Variants in MCM7 observed in about 807,000 individuals in gnomAD.
The protein encoded by MCM7 is minichromosome maintenance complex component 7.
In MCM7, 95 loss-of-function variants were observed where a neutral mutation model predicts 83.5. That is an observed-to-expected ratio of 1.14 (90% CI 0.96 to 1.35). The LOEUF (loss-of-function observed/expected upper bound fraction) is 1.35, where lower values mean the gene tolerates loss of function less well. Among genes scored for constraint, MCM7 ranks in the 40% most tolerant of loss-of-function variants. The probability of loss-of-function intolerance (pLI) is 0.00; values close to 1 mark genes in which losing one functional copy is unlikely to be tolerated. For missense variants in MCM7, 1,087 were observed against 957.4 expected, an observed-to-expected ratio of 1.14 and a Z score of -1.79; for synonymous variants, 461 against 352.7, an observed-to-expected ratio of 1.31 and a Z score of -3.44.
At chr7:100,098,438 G>C in intron 6 of MCM7, 140 bp downstream of exon 6, 1 of 1,494,712 alleles carries the variant, frequency 6.7e-7, no homozygotes, top group Non-Finnish European at 9.1e-7. Flanking sequence ...CCCTTCCCAA[G>C]GCTCCCAGGA....
intron 1 of MCM7, chr7:100,100,554 A>T: frequency 1.0e-6 from 1 of 992,342 alleles, no homozygotes; most frequent in Non-Finnish European, 1.2e-6. Flanking sequence ...ATGGGCCCGG[A>T]TTCCAGCCGC....
chr7:100,099,396 T>A lies in MCM7; in HGVS notation c.284A>T (p.Asn95Ile). 6.3e-7 allele frequency: 1 copy of A among 1,588,518 alleles called. No individual in the cohort carries two copies. The highest frequency in any genetic ancestry group is 1.7e-5 in the Admixed American group (1 of 58,248). The change falls in exon 4 of 15, where the codon AAT (asparagine) becomes ATT (isoleucine). Residue 95 changes from asparagine (N) to isoleucine (I), a missense_variant. Transcript: ENST00000303887. ...LPQYKEREVVNKDVLDVYIEH... is the reference protein window; with the variant it reads ...LPQYKEREVVIKDVLDVYIEH... ...AATGTAAACGTCCAGGACATCTTTA[T>A]TTACCACCTAAAGGAGAAGAACAAA...
intron 5 of MCM7, 52 bp from the exon 6 acceptor site, chr7:100,098,767 A>T: frequency 1.2e-6 from 2 of 1,605,332 alleles, no homozygotes; most frequent in Non-Finnish European, 1.7e-6. Flanking sequence ...AAAGAGCCCC[A>T]TTGGGTCGGT....
rs1443365468 is a variant in MCM7, at chr7:100,092,982, GCTC to G, written c.2107_2109del (p.Glu703del). On this transcript the variant is annotated inframe_deletion, in exon 15 of 15. Coordinates refer to ENST00000303887, the MANE Select transcript of MCM7 (RefSeq NM_005916.5). ...GAAGCATTGACCTGCCAGACATTGAGCTCCTCATATTCATCCAGAGCCGCCTGG... is the reference window on the plus strand; with the variant it reads ...GAAGCATTGACCTGCCAGACATTGAGCTCATATTCATCCAGAGCCGCCTGG... 6.2e-7 allele frequency: 1 copy of G among 1,614,228 alleles called. No homozygotes were observed. The highest frequency in any genetic ancestry group is 8.5e-7 in the Non-Finnish European group (1 of 1,180,048).
chr7:100,093,893 AG>A, intron 13 of MCM7: 1 of 673,512 alleles, frequency 1.5e-6, no homozygotes, highest in Admixed American at 2.0e-5. Context: ...TCTGTAGCAC[AG>A]GATCTAGGAC....
At position 100,098,646 on chromosome 7, in the gene MCM7, C is replaced by T. The variant is rs1306989410; in HGVS notation, c.652G>A (p.Gly218Arg). The T allele has an allele frequency of 6.2e-7, 1 of 1,614,034 alleles. No individual in the cohort carries two copies. Among genetic ancestry groups the T allele is most frequent in the African/African-American group, 1.3e-5 (1 of 74,906 alleles). Reference sequence around the variant, plus strand: ...CCCCGTGTCTGCAGATACAGCCGCCCTCCTGAGCGGTTGGTTTGGCACTCC... The same window carrying T: ...CCCCGTGTCTGCAGATACAGCCGCCTTCCTGAGCGGTTGGTTTGGCACTCC... ...SQECQTNRSG[G>R]RLYLQTRGSR... is the part of the protein sequence containing the mutation. Residue 218 changes from glycine (G) to arginine (R), a missense_variant, in exon 6 of 15, where the codon GGG becomes AGG. Physicochemically the swap from Gly to Arg is moderately radical, Grantham distance 125. Coordinates refer to ENST00000303887, the MANE Select transcript of MCM7 (RefSeq NM_005916.5).
Position 100,094,182 on chromosome 7 carries a change from G to A in MCM7, c.1839C>T (p.Ser613=). ...ARTLLAILRL[S]TALARLRMVD... is the part of the protein sequence containing the mutation. ...CAATTTGGGCACTTACCAGAGCAGT[G>A]GAAAGGCGCAGGATAGCCAGCAGGG... Residue 613 remains serine, a synonymous_variant, in exon 13 of 15, where the codon TCC becomes TCT. Coordinates refer to ENST00000303887, the MANE Select transcript of MCM7 (RefSeq NM_005916.5). 6.2e-7 allele frequency: 1 copy of A among 1,614,210 alleles called. No individual in the cohort carries two copies. The highest frequency in any genetic ancestry group is 2.2e-5 in the East Asian group (1 of 44,878).
rs1339783350 is a variant in MCM7, at chr7:100,095,419, G to C, written c.1647C>G (p.Ser549=). The C allele has an allele frequency of 6.2e-7, 1 of 1,613,880 alleles. No homozygotes were observed. Among genetic ancestry groups the C allele is most frequent in the Non-Finnish European group, 8.5e-7 (1 of 1,180,002 alleles). The change falls in exon 12 of 15, where the codon TCC becomes TCG. Residue 549 remains serine, a synonymous_variant. Coordinates refer to ENST00000303887, the MANE Select transcript of MCM7 (RefSeq NM_005916.5). ...GCTTCATGTCCAGAGGTTCAAACTG[G>C]GAGGGGGGCTGCCGGCTGTGCTGGT... The part of the protein sequence containing the change: ...YVHQHSRQPP[S]QFEPLDMKLM...
Position 100,097,824 on chromosome 7 carries a change from T to C in MCM7, c.985+10A>G. 1 of 1,614,082 alleles carries C rather than the reference T, an allele frequency of 6.2e-7. No homozygotes were observed. Among genetic ancestry groups the C allele is most frequent in the Non-Finnish European group, 8.5e-7 (1 of 1,179,942 alleles). On this transcript the variant is annotated intron_variant, in intron 8 of 14. Coordinates refer to ENST00000303887, the MANE Select transcript of MCM7 (RefSeq NM_005916.5). ...TAAACGGAATTTCCTCTCTCTCCCC[T>C]GCCCCTCACCTGCAATTTGCCTCAG...
chr7:100,099,967 C>G lies in MCM7; in HGVS notation c.111+47G>C, dbSNP rs370086677. The G allele has an allele frequency of 5.1e-6, 8 of 1,556,024 alleles. No homozygotes were observed. In the African/African-American group the frequency reaches 1.1e-4, roughly 21 times the overall value. ...ACAAGCCAAGCTGCTGCTTATGGCT[C>G]CTTAAGCACCCCGCTCCCCATTCCC... On this transcript the variant is annotated intron_variant, in intron 2 of 14. Coordinates refer to ENST00000303887, the MANE Select transcript of MCM7 (RefSeq NM_005916.5).
At chr7:100,097,027 G>C (rs1409817421) in intron 10 of MCM7, among the ~76,000 whole-genome samples, 2 of 152,202 alleles carry the variant, frequency 1.3e-5, no homozygotes, top group Non-Finnish European at 1.5e-5. Context: ...CGTGACCCCA[G>C]GAGGTGGAGC....
In MCM7 at chr7:100,098,650, T is replaced by G. The variant is rs763542579; in HGVS notation, c.648A>C (p.Ser216=). 21 of 1,614,040 alleles carry G rather than the reference T, an allele frequency of 1.3e-5. 1 individual carries two copies. In the Admixed American group the frequency reaches 3.5e-4, roughly 27 times the overall value. The stretch of plus-strand genomic sequence containing the variant: ...GTGTCTGCAGATACAGCCGCCCTCC[T>G]GAGCGGTTGGTTTGGCACTCCTGGC... The part of the protein sequence containing the change: ...CPSQECQTNR[S]GGRLYLQTRG... The change falls in exon 6 of 15, where the codon TCA becomes TCC. Residue 216 remains serine, a synonymous_variant. Transcript: ENST00000303887.
At chr7:100,093,155 G>A (rs959474526) in intron 14 of MCM7, 22 bp from the exon 15 acceptor site, 3 of 1,611,504 alleles carry the variant, frequency 1.9e-6, no homozygotes, top group African/African-American at 2.7e-5. Context: ...GAGTGGGTGT[G>A]TAAGGTCAGG....
chr7:100,094,358 A>G lies in MCM7; in HGVS notation c.1680-17T>C, dbSNP rs530090108. 4 of 1,613,508 alleles carry G rather than the reference A, an allele frequency of 2.5e-6. No homozygotes were observed. In the African/African-American group the frequency reaches 4.0e-5, roughly 16 times the overall value. ...ATGTAACGCCTGTGGGGGAAGGTTC[A>G]TGGGGAAGCAGAAGAGGGAGATGGG... On this transcript the variant is annotated splice_polypyrimidine_tract_variant and intron_variant, in intron 12 of 14. Coordinates refer to ENST00000303887, the MANE Select transcript of MCM7 (RefSeq NM_005916.5).
chr7:100,101,022 C>CCAACCCCA (rs1795988885), intron 1 of MCM7, among the ~76,000 whole-genome samples: 2 of 152,228 alleles, frequency 1.3e-5, no homozygotes, highest in African/African-American at 4.8e-5. Context: ...CCCCAAGCCC[C>CCAACCCCA]CAACCCCACG....
chr7:100,095,901 G>A lies in MCM7; in HGVS notation c.1468C>T (p.Pro490Ser). The A allele has an allele frequency of 6.2e-7, 1 of 1,613,988 alleles. No homozygotes were observed. Among genetic ancestry groups the A allele is most frequent in the South Asian group, 1.1e-5 (1 of 91,082 alleles). The change falls in exon 11 of 15, where the codon CCT becomes TCT. Residue 490 changes from proline (P) to serine (S), a missense_variant. Transcript: ENST00000303887. ...ARCSILAAAN[P>S]AYGRYNPRRS... ...CGAGGGTTGTAGCGCCCGTAGGCAG[G>A]GTTGGCGGCAGCCAGGATGGAGCAG...
rs1390446684 is a variant in MCM7, at chr7:100,095,773, C to T, written c.1595+1G>A. On this transcript the variant is annotated splice_donor_variant, in intron 11 of 14. Transcript: ENST00000303887. LOFTEE classifies it high-confidence loss of function. ...CTCTTTGGGTGTTGAGCTTCATTCA[C>T]CGTAGGTCATTGTCTCGGTCGGGCC... The T allele has an allele frequency of 3.2e-6, 5 of 1,571,332 alleles. No individual in the cohort carries two copies. Among genetic ancestry groups the T allele is most frequent in the Admixed American group, 1.7e-5 (1 of 57,838 alleles).
At position 100,094,152 on chromosome 7, in the gene MCM7, T is replaced by TA. The variant is rs777366135; in HGVS notation, c.1848+20_1848+21insT. 3 of 1,613,882 alleles carry TA rather than the reference T, an allele frequency of 1.9e-6. No individual in the cohort carries two copies. The African/African-American group carries it at 4.0e-5, about 22-fold the overall frequency. Reference sequence around the variant, plus strand: ...CTTTAAGGGTCAAAACAGATGGCCCTCCAGCAATTTGGGCACTTACCAGAG... The same window carrying TA: ...CTTTAAGGGTCAAAACAGATGGCCCTACCAGCAATTTGGGCACTTACCAGAG... On this transcript the variant is annotated intron_variant, in intron 13 of 14. Transcript: ENST00000303887.
intron 13 of MCM7, chr7:100,093,603 C>T (rs1304533177): frequency 2.6e-6 from 2 of 768,750 alleles, no homozygotes; most frequent in Admixed American, 1.7e-5. Context: ...CCCAGGGCAG[C>T]GTCCAGCAAT....
Sources: allele counts gnomAD v4.1 joint callset (sites outside exome capture counted in the v4.1 genomes callset), GRCh38; gene constraint gnomAD v4.1.1; transcripts MANE v1.5; gene names NCBI Gene and HGNC (gene_info 2026-07-23, HGNC 2026-07-21).